The following GSN variants were observed in gnomAD, a reference collection of about 807,000 sequenced individuals.
GSN encodes the protein actin-depolymerizing factor.
GSN carries 56 observed loss-of-function variants against 85.7 expected under a neutral mutation model. That is an observed-to-expected ratio of 0.65 (90% CI 0.53 to 0.82). GSN has a LOEUF of 0.82. GSN is among the 40% of genes least tolerant of loss of function. GSN has a pLI of 0.00. For missense variants in GSN, 857 were observed against 979.8 expected, an observed-to-expected ratio of 0.87 and a Z score of 1.67; for synonymous variants, 373 against 399.1, an observed-to-expected ratio of 0.93 and a Z score of 0.78.
At chr9:121,234,654 G>A (rs2054457651) in intron 5 of GSN, among the ~76,000 whole-genome samples, 1 of 152,192 alleles carries the variant, frequency 6.6e-6, no homozygotes, top group Non-Finnish European at 1.5e-5. Flanking sequence ...GGTGCTGGTG[G>A]AGGCACGAAG....
At chr9:121,269,763 C>A (rs1197678460) in intron 1 of GSN, among the ~76,000 whole-genome samples, 1 of 152,166 alleles carries the variant, frequency 6.6e-6, no homozygotes, top group Admixed American at 6.5e-5. Flanking sequence ...AAAGTTTACT[C>A]CAGAATTTTC....
chr9:121,286,211 T>TC, intron 2 of GSN: 1 of 1,456,388 alleles, frequency 6.9e-7, no homozygotes, highest in Non-Finnish European at 9.3e-7. Context: ...TCTGGGGTGG[T>TC]CCCCGAAGCC....
intron 4 of GSN, among the ~76,000 whole-genome samples, chr9:121,215,130 C>G (rs1224138163): frequency 6.6e-6 from 1 of 151,930 alleles, no homozygotes; most frequent in Non-Finnish European, 1.5e-5. Flanking sequence ...CAGGCTGTAC[C>G]TGTCATTGTC....
At chr9:121,322,645 A>C (rs766324639) in intron 11 of GSN, among the ~76,000 whole-genome samples, 46 of 152,296 alleles carry the variant, frequency 3.0e-4, no homozygotes, top group Non-Finnish European at 5.3e-4. Flanking sequence ...TGTTCGTAGC[A>C]TTTTACATTC....
At chr9:121,244,458 G>C (rs1305818597) in intron 5 of GSN, among the ~76,000 whole-genome samples, 1 of 152,188 alleles carries the variant, frequency 6.6e-6, no homozygotes, top group African/African-American at 2.4e-5. Context: ...ATTCCCACTA[G>C]TAATGTATGA....
At chr9:121,239,316 G>T in intron 5 of GSN, 1 of 398,492 alleles carries the variant, frequency 2.5e-6, no homozygotes, top group Non-Finnish European at 4.9e-6. Flanking sequence ...GGTGAGGGAT[G>T]GCAATCCACC....
Position 121,299,833 on chromosome 9 carries a change from C to A in GSN, c.-9-2130C>A. 7.5e-7 allele frequency: 1 copy of A among 1,331,288 alleles called. No homozygotes were observed. The highest frequency in any genetic ancestry group is 1.7e-5 in the South Asian group (1 of 58,144). 82.5% of individuals were successfully genotyped at this position (1,331,288 alleles called of 1,614,324 possible). On this transcript the variant is annotated intron_variant, in intron 2 of 17. Coordinates refer to ENST00000432226, the MANE Select transcript of GSN (RefSeq NM_198252.3). The surrounding 1 kb of genome is among the most constrained non-coding windows in gnomAD (Gnocchi z 4.2). Reference sequence around the variant, plus strand: ...GTCGGCGACCCGAGGCCGCGGCTGCCGACTGGGTCCCCTGCCGCTGTCGCC... The same window carrying A: ...GTCGGCGACCCGAGGCCGCGGCTGCAGACTGGGTCCCCTGCCGCTGTCGCC...
At chr9:121,250,416 G>C (rs2054797036) in intron 6 of GSN, among the ~76,000 whole-genome samples, 1 of 152,084 alleles carries the variant, frequency 6.6e-6, no homozygotes, top group African/African-American at 2.4e-5. Context: ...ATGTTGGCCA[G>C]GCTGGTTTCG....
intron 6 of GSN, among the ~76,000 whole-genome samples, chr9:121,259,890 C>T (rs1003028805): frequency 2.6e-5 from 4 of 152,204 alleles, no homozygotes; most frequent in Non-Finnish European, 4.4e-5. Context: ...TAGGGAAAAA[C>T]AGGCTTGAAA....
chr9:121,299,274 A>T lies in GSN; in HGVS notation c.-9-2689A>T, dbSNP rs1335073602. The T allele has an allele frequency of 1.0e-6, 1 of 985,012 alleles. No individual in the cohort carries two copies. The highest frequency in any genetic ancestry group is 6.1e-5 in the Admixed American group (1 of 16,264). The allele number at this position is 985,012 out of a possible 1,614,324, so 61.0% of individuals were successfully genotyped here. On this transcript the variant is annotated intron_variant, in intron 2 of 17. Coordinates refer to ENST00000432226, the MANE Select transcript of GSN (RefSeq NM_198252.3). This position sits in a 1 kb window ranked among gnomAD's most constrained non-coding sequence, Gnocchi z 4.2. ...CCTGCCGGCTTCACCTGCCCACGGGAGCCGGGTCCCCTGCCCTGCTGCGGC... is the reference window on the plus strand; with the variant it reads ...CCTGCCGGCTTCACCTGCCCACGGGTGCCGGGTCCCCTGCCCTGCTGCGGC...
Position 121,310,837 on chromosome 9 carries a change from C to G in GSN, c.505C>G (p.Leu169Val). 6.2e-7 allele frequency: 1 copy of G among 1,614,054 alleles called. No individual in the cohort carries two copies. Among genetic ancestry groups the G allele is most frequent in the African/African-American group, 1.3e-5 (1 of 75,054 alleles). ...FNNGDCFILD[L>V]GNNIHQWCGS... ...CAATGGCGACTGCTTCATCCTGGAC[C>G]TGGGCAACGTGAGTCCTGCTTTCCT... The change falls in exon 5 of 18, where the codon CTG becomes GTG. Residue 169 changes from leucine (L) to valine (V), a missense_variant. Leu to Val is a conservative substitution (Grantham distance 32). Coordinates refer to ENST00000432226, the MANE Select transcript of GSN (RefSeq NM_198252.3).
At chr9:121,326,329 A>G (rs2063160746) in intron 12 of GSN, among the ~76,000 whole-genome samples, 183 bp from the exon 13 acceptor site, 1 of 151,930 alleles carries the variant, frequency 6.6e-6, no homozygotes, top group Admixed American at 6.6e-5. Context: ...ACCTCAGACA[A>G]TAGCACTGTC....
At position 121,282,469 on chromosome 9, in the gene GSN, G is replaced by A. The variant is rs961017928; in HGVS notation, c.-10+907G>A. 16 of 1,268,722 alleles carry A rather than the reference G, an allele frequency of 1.3e-5. No homozygotes were observed. In the African/African-American group the frequency reaches 1.7e-4, roughly 13 times the overall value. The allele number at this position is 1,268,722 out of a possible 1,614,324, so 78.6% of individuals were successfully genotyped here. On this transcript the variant is annotated intron_variant, in intron 2 of 17. Transcript: ENST00000432226. Reference sequence around the variant, plus strand: ...GGGGATGAATGAATACAGGACTTACGCGTCTGCTGTGGCCCAGCTGGCTTC... The same window carrying A: ...GGGGATGAATGAATACAGGACTTACACGTCTGCTGTGGCCCAGCTGGCTTC...
intron 11 of GSN, among the ~76,000 whole-genome samples, chr9:121,324,085 GAC>G (rs2062844497): frequency 6.6e-6 from 1 of 152,178 alleles, no homozygotes; most frequent in Non-Finnish European, 1.5e-5. Flanking sequence ...AATCACCATG[GAC>G]CTTTTTGGTG....
rs57472504 is a variant in GSN, at chr9:121,332,061, G to GA, written c.2027-362dup. On this transcript the variant is annotated intron_variant, in intron 17 of 17. Transcript: ENST00000432226. This position sits in a 1 kb window ranked among gnomAD's most constrained non-coding sequence, Gnocchi z 4.8. Reference sequence around the variant, plus strand: ...ACAGAATGAGATGGTGTCTCAAAATGAAAAAAAAAAAGAAAAAGATGTTGC... The same window carrying GA: ...ACAGAATGAGATGGTGTCTCAAAATGAAAAAAAAAAAAGAAAAAGATGTTGC... Among the ~76,000 whole-genome samples, 2,029 of 139,778 alleles carry GA rather than the reference G, an allele frequency of 0.015. 41 individuals are homozygous for GA. The highest frequency in any genetic ancestry group is 0.049 in the African/African-American group (1,888 of 38,168). 91.7% of individuals were successfully genotyped at this position (139,778 alleles called of 152,430 possible). A position where few individuals can be genotyped will look rare whatever the true frequency, so the allele number is the denominator to read the frequency against.
chr9:121,264,532 ACACAACACTAG>A (rs1284871466), upstream of GSN, among the ~76,000 whole-genome samples: 1 of 152,234 alleles, frequency 6.6e-6, no homozygotes, highest in African/African-American at 2.4e-5. Flanking sequence ...GTTCTTAAGA[ACACAACACTAG>A]CACAACACTA....
At position 121,281,482 on chromosome 9, in the gene GSN, G is replaced by A; in HGVS notation, c.-90G>A. ...CCTTTGTTTACAGGTAGTGCTCATAGCTCTCTTTGTCCAGTGCTTCGGCCT... is the reference window on the plus strand; with the variant it reads ...CCTTTGTTTACAGGTAGTGCTCATAACTCTCTTTGTCCAGTGCTTCGGCCT... On this transcript the variant is annotated 5_prime_UTR_variant, in exon 2 of 18. Coordinates refer to ENST00000432226, the MANE Select transcript of GSN (RefSeq NM_198252.3). 1 of 382,932 alleles carries A rather than the reference G, an allele frequency of 2.6e-6. No individual in the cohort carries two copies. The allele number at this position is 382,932 out of a possible 1,614,324, so 23.7% of individuals were successfully genotyped here.
At chr9:121,226,898 C>A (rs1190418705) in intron 4 of GSN, among the ~76,000 whole-genome samples, 1 of 152,160 alleles carries the variant, frequency 6.6e-6, no homozygotes, top group Non-Finnish European at 1.5e-5. Context: ...ATCGATCATG[C>A]CTACGTGATG....
At position 121,312,454 on chromosome 9, in the gene GSN, C is replaced by T; in HGVS notation, c.629C>T (p.Ser210Phe). Residue 210 changes from serine (S) to phenylalanine (F), a missense_variant, in exon 6 of 18, where the codon TCT (serine) becomes TTT (phenylalanine). By Grantham distance (155) the Ser-to-Phe change is radical. Transcript: ENST00000432226. ...ERSGRARVHV[S>F]EEGTEPEAML... is the part of the protein sequence containing the mutation. ...AGTGGCCGGGCCCGAGTGCACGTGT[C>T]TGAGGAGGGCACTGAGCCCGAGGCG... 6.2e-7 allele frequency: 1 copy of T among 1,613,914 alleles called. No homozygotes were observed. Among genetic ancestry groups the T allele is most frequent in the Non-Finnish European group, 8.5e-7 (1 of 1,179,936 alleles).
Sources: allele counts gnomAD v4.1 joint callset (sites outside exome capture counted in the v4.1 genomes callset), GRCh38; gene constraint gnomAD v4.1.1; non-coding constraint Gnocchi (gnomAD v3.1); transcripts MANE v1.5; gene names NCBI Gene and HGNC (gene_info 2026-07-23, HGNC 2026-07-21).